Variants in XKR9 observed in about 807,000 individuals in gnomAD.
The protein encoded by XKR9 is XK related 9.
XKR9 carries 32 observed loss-of-function variants against 32.0 expected under a neutral mutation model. The ratio of observed to expected loss-of-function variants is 1.00; its 90% CI spans 0.76 to 1.34. The LOEUF is 1.34. XKR9 is among the 40% of genes most tolerant of loss of function. XKR9 has a pLI of 0.00. For synonymous variants in XKR9, 168 were observed against 143.4 expected, an observed-to-expected ratio of 1.17 and a Z score of -1.22; for missense variants, 546 against 429.7, an observed-to-expected ratio of 1.27 and a Z score of -2.39.
intron 1 of XKR9, among the ~76,000 whole-genome samples, chr8:70,670,295 TGGAA>T (rs1333043055): frequency 6.6e-6 from 1 of 152,110 alleles, no homozygotes; most frequent in Non-Finnish European, 1.5e-5. Flanking sequence ...GTGCCCAAGA[TGGAA>T]GGGACTCATT....
At chr8:70,677,507 C>T (rs1818924024) in intron 2 of XKR9, among the ~76,000 whole-genome samples, 2 of 152,172 alleles carry the variant, frequency 1.3e-5, no homozygotes, top group South Asian at 4.1e-4. Flanking sequence ...ATATTCCCCT[C>T]TCCCTTTAAT....
intron 3 of XKR9, among the ~76,000 whole-genome samples, chr8:70,685,790 T>C (rs1452735329): frequency 1.0e-3 from 138 of 133,638 alleles, no homozygotes; most frequent in East Asian, 5.5e-3. Context: ...TGCTAAATGA[T>C]GAGTTAATGG....
chr8:70,830,282 T>C, the XKR9 span, among the ~76,000 whole-genome samples: 153 of 152,254 alleles, frequency 1.0e-3, 2 homozygotes, highest in African/African-American at 3.4e-3. Context: ...TTGTGTGAGC[T>C]TAAGAAGTCA....
chr8:70,841,588 G>C, the XKR9 span, among the ~76,000 whole-genome samples: 1 of 152,064 alleles, frequency 6.6e-6, no homozygotes, highest in Non-Finnish European at 1.5e-5. Context: ...TGTCTCTCTA[G>C]GTTCTGTTAA....
the XKR9 span, among the ~76,000 whole-genome samples, chr8:70,813,149 A>T: frequency 6.6e-6 from 1 of 152,226 alleles, no homozygotes; most frequent in Non-Finnish European, 1.5e-5. Flanking sequence ...CATATCTACA[A>T]CCATCTGATC....
At chr8:70,697,488 C>A (rs1281465734) in intron 3 of XKR9, among the ~76,000 whole-genome samples, 2 of 150,614 alleles carry the variant, frequency 1.3e-5, no homozygotes, top group Admixed American at 6.6e-5. Flanking sequence ...GATTACATTT[C>A]TTGATTTGCA....
At chr8:70,785,356 T>G (rs1245383494) in intron 2 of XKR9, among the ~76,000 whole-genome samples, 3 of 152,032 alleles carry the variant, frequency 2.0e-5, no homozygotes, top group African/African-American at 7.2e-5. Context: ...TTGTAATGTC[T>G]CCTCTTTCAT....
intron 4 of XKR9, among the ~76,000 whole-genome samples, chr8:70,729,225 GA>G (rs1180011579): frequency 6.6e-6 from 1 of 152,152 alleles, no homozygotes; most frequent in East Asian, 1.9e-4. Flanking sequence ...CGTAAGTTGA[GA>G]ATACTCACAA....
the XKR9 span, among the ~76,000 whole-genome samples, chr8:70,898,968 T>C: frequency 1.3e-5 from 2 of 152,134 alleles, no homozygotes; most frequent in African/African-American, 4.8e-5. Context: ...GCTTAGAGTG[T>C]AGTGGTGCAA....
the XKR9 span, among the ~76,000 whole-genome samples, chr8:71,057,911 G>C: frequency 1.3e-5 from 2 of 152,148 alleles, no homozygotes; most frequent in African/African-American, 4.8e-5. Flanking sequence ...GGGGCCATGC[G>C]CGGTGGCTTA....
At chr8:70,717,987 C>T (rs1371651327) in intron 4 of XKR9, among the ~76,000 whole-genome samples, 2 of 152,130 alleles carry the variant, frequency 1.3e-5, no homozygotes, top group African/African-American at 4.8e-5. Flanking sequence ...CAAGAGTAAC[C>T]TTTATTCCAG....
the XKR9 span, among the ~76,000 whole-genome samples, chr8:70,802,725 C>T: frequency 6.6e-6 from 1 of 152,136 alleles, no homozygotes; most frequent in African/African-American, 2.4e-5. Context: ...CTTATTTCTC[C>T]TTCACTTTTG....
At chr8:70,849,656 CA>C in the XKR9 span, among the ~76,000 whole-genome samples, 31 of 151,208 alleles carry the variant, frequency 2.1e-4, no homozygotes, top group African/African-American at 7.3e-4. Context: ...AAAACCTTTC[CA>C]AAAAAAATCA....
the XKR9 span, among the ~76,000 whole-genome samples, chr8:70,797,040 T>C: frequency 6.6e-6 from 1 of 152,200 alleles, no homozygotes; most frequent in Non-Finnish European, 1.5e-5. Context: ...CCTCCATTTA[T>C]TGGGTTCAAA....
intron 3 of XKR9, among the ~76,000 whole-genome samples, chr8:70,701,376 C>T (rs1164195440): frequency 2.0e-5 from 3 of 152,164 alleles, no homozygotes; most frequent in Non-Finnish European, 4.4e-5. Context: ...CTCTGTAGGT[C>T]AGGTTGTTTC....
chr8:71,009,032 G>A, the XKR9 span, among the ~76,000 whole-genome samples: 15 of 152,122 alleles, frequency 9.9e-5, no homozygotes, highest in Admixed American at 8.5e-4. Context: ...CAAGGAGTTC[G>A]ATGTGTTATT....
At chr8:70,740,793 C>T (rs1024097573), downstream of XKR9, among the ~76,000 whole-genome samples, 3 of 152,216 alleles carry the variant, frequency 2.0e-5, no homozygotes, top group Non-Finnish European at 4.4e-5. Flanking sequence ...TTTTCGTGAA[C>T]CACGAATGCT....
At chr8:70,806,002 C>A in the XKR9 span, among the ~76,000 whole-genome samples, 1 of 152,126 alleles carries the variant, frequency 6.6e-6, no homozygotes, top group Non-Finnish European at 1.5e-5. Context: ...CAGGAGCAAT[C>A]CTACTGGCAT....
intron 2 of XKR9, among the ~76,000 whole-genome samples, chr8:70,781,553 A>G (rs1807617141): frequency 6.6e-6 from 1 of 150,718 alleles, no homozygotes; most frequent in Non-Finnish European, 1.5e-5. Context: ...CCATCTCCAA[A>G]AAAAAAAAAA....
Sources: allele counts gnomAD v4.1 joint callset (sites outside exome capture counted in the v4.1 genomes callset), GRCh38; gene constraint gnomAD v4.1.1; transcripts MANE v1.5; gene names NCBI Gene and HGNC (gene_info 2026-07-23, HGNC 2026-07-21).